The following TMEM132D variants were observed in gnomAD, a reference collection of about 807,000 sequenced individuals.
The protein encoded by TMEM132D is mature OL transmembrane protein.
Under a neutral mutation model 62.3 loss-of-function variants are expected in TMEM132D, and 21 were observed. The observed-to-expected ratio is 0.34, with a 90% CI of 0.24 to 0.49. The LOEUF is 0.49. Among genes scored for constraint, TMEM132D ranks in the 20% least tolerant of loss-of-function variants. TMEM132D has a pLI of 0.99. For missense variants in TMEM132D, 1,346 were observed against 1,402.8 expected (o/e 0.96, Z 0.65); for synonymous variants, 621 against 575.6 (o/e 1.08, Z -1.13).
intron 3 of TMEM132D, among the ~76,000 whole-genome samples, chr12:129,351,470 T>A (rs1869859386): frequency 6.6e-6 from 1 of 152,122 alleles, no homozygotes; most frequent in Non-Finnish European, 1.5e-5. Context: ...CAGGTAGGCT[T>A]ACAAAACCCT....
chr12:129,644,984 T>TA (rs749612311), intron 2 of TMEM132D, among the ~76,000 whole-genome samples: 17,596 of 63,264 alleles, frequency 0.28, 2,767 homozygotes, highest in East Asian at 0.61. Flanking sequence ...ATAGTCCATC[T>TA]AAAAAAAAAA....
At chr12:129,658,444 T>A (rs1880151629) in intron 2 of TMEM132D, among the ~76,000 whole-genome samples, 1 of 152,208 alleles carries the variant, frequency 6.6e-6, no homozygotes, top group South Asian at 2.1e-4. Flanking sequence ...CATCTTTGTG[T>A]GCTATAAATG....
intron 3 of TMEM132D, among the ~76,000 whole-genome samples, chr12:129,488,037 T>A (rs748218151): frequency 4.1e-5 from 6 of 147,342 alleles, no homozygotes; most frequent in Non-Finnish European, 7.5e-5. Flanking sequence ...GGCTTTTCCA[T>A]CCCGTATGCC....
At chr12:129,088,580 C>T (rs1874758464) in intron 5 of TMEM132D, among the ~76,000 whole-genome samples, 1 of 38,350 alleles carries the variant, frequency 2.6e-5, no homozygotes, top group Non-Finnish European at 4.4e-5. Flanking sequence ...CGGGTGTCCT[C>T]CATGACCGGG....
rs544840524 is a variant in TMEM132D, at chr12:129,779,769, G to A, written c.80-79071C>T. 6.6e-6 allele frequency among the ~76,000 whole-genome samples: 1 copy of A among 152,174 alleles called. No individual in the cohort carries two copies. The highest frequency in any genetic ancestry group is 2.1e-4 in the South Asian group (1 of 4,814). The stretch of plus-strand genomic sequence containing the variant: ...TTATTCTGGGAACAGGATTTAAGGG[G>A]TCGCCTCCCCACTCAAACTCATGAC... On this transcript the variant is annotated intron_variant, in intron 1 of 8. Coordinates refer to ENST00000422113, the MANE Select transcript of TMEM132D (RefSeq NM_133448.3). The surrounding 1 kb of genome is among the most constrained non-coding windows in gnomAD (Gnocchi z 4.1).
At chr12:129,561,207 T>C (rs155705) in intron 2 of TMEM132D, among the ~76,000 whole-genome samples, 132,129 of 152,184 alleles carry the variant, frequency 0.87, 57,486 homozygotes, top group East Asian at 0.99. Context: ...TATGACCTTA[T>C]CATCCTGAGT....
At chr12:129,810,311 G>A (rs1872131237) in intron 1 of TMEM132D, among the ~76,000 whole-genome samples, 1 of 151,632 alleles carries the variant, frequency 6.6e-6, no homozygotes, top group South Asian at 2.1e-4. Flanking sequence ...TTTTTAAAAT[G>A]CAAGATACTC....
intron 3 of TMEM132D, among the ~76,000 whole-genome samples, chr12:129,370,109 A>C (rs1006150776): frequency 1.3e-5 from 2 of 152,210 alleles, no homozygotes; most frequent in Admixed American, 1.3e-4. Flanking sequence ...GAAAGTCACA[A>C]ATCTAGTTCT....
At chr12:129,783,634 G>A (rs1195730728) in intron 1 of TMEM132D, among the ~76,000 whole-genome samples, 2 of 152,154 alleles carry the variant, frequency 1.3e-5, no homozygotes, top group African/African-American at 2.4e-5. Flanking sequence ...AGATCTGATA[G>A]GTGTTTCCAT....
intron 3 of TMEM132D, among the ~76,000 whole-genome samples, chr12:129,490,161 G>A (rs1044212795): frequency 3.3e-5 from 5 of 152,116 alleles, no homozygotes; most frequent in African/African-American, 4.8e-5. Context: ...TCGTATTACT[G>A]GATTTTTAAG....
chr12:129,718,983 T>A (rs1868701987), intron 1 of TMEM132D, among the ~76,000 whole-genome samples: 1 of 150,368 alleles, frequency 6.7e-6, no homozygotes, highest in African/African-American at 2.5e-5. Flanking sequence ...ATGCCTGTAA[T>A]CCCAGCACAT....
rs1315112364 is a variant in TMEM132D at position 129,312,557 on chromosome 12, T to TTTTG, written c.1299+25073_1299+25076dup. Among the ~76,000 whole-genome samples the TTTTG allele has an allele frequency of 5.9e-5, 9 of 152,340 alleles. No homozygotes were observed. In the South Asian group the frequency reaches 1.9e-3, roughly 32 times the overall value. On this transcript the variant is annotated intron_variant, in intron 4 of 8. Coordinates refer to ENST00000422113, the MANE Select transcript of TMEM132D (RefSeq NM_133448.3). ...ATTAAGAATTTTTTAGAATAGTTTTTTTTGTTTGTTTGTTTTGTTTTTTGT... is the reference window on the plus strand; with the variant it reads ...ATTAAGAATTTTTTAGAATAGTTTTTTTTGTTTGTTTGTTTGTTTTGTTTTTTGT...
chr12:129,589,897 AG>A (rs1314612222), intron 2 of TMEM132D, among the ~76,000 whole-genome samples: 1 of 152,132 alleles, frequency 6.6e-6, no homozygotes, highest in Non-Finnish European at 1.5e-5. Flanking sequence ...GGACTTTTAT[AG>A]TACATTTCTC....
intron 2 of TMEM132D, among the ~76,000 whole-genome samples, chr12:129,536,746 A>T (rs146393654): frequency 6.6e-6 from 1 of 152,218 alleles, no homozygotes; most frequent in African/African-American, 2.4e-5. Context: ...CTTTGTGACT[A>T]TTCCACTATA....
chr12:129,356,147 A>AT lies in TMEM132D; in HGVS notation c.1116-18331dup, dbSNP rs35842499. Among the ~76,000 whole-genome samples the AT allele has an allele frequency of 4.0e-3, 147 of 36,536 alleles. 41 individuals are homozygous for AT. Among genetic ancestry groups the AT allele is most frequent in the Middle Eastern group, 0.023 (1 of 44 alleles). The allele number at this position is 36,536 out of a possible 152,430, so 24.0% of individuals were successfully genotyped here. On this transcript the variant is annotated intron_variant, in intron 3 of 8. Coordinates refer to ENST00000422113, the MANE Select transcript of TMEM132D (RefSeq NM_133448.3). ...GTCTGCTTCTAGAGAAACTGAAGGGATTTTTTTTTTTTTTTTTTTTTTTTT... is the reference window on the plus strand; with the variant it reads ...GTCTGCTTCTAGAGAAACTGAAGGGATTTTTTTTTTTTTTTTTTTTTTTTTT...
chr12:129,082,349 A>AAGTT (rs2135617429), intron 6 of TMEM132D, among the ~76,000 whole-genome samples: 1 of 152,252 alleles, frequency 6.6e-6, no homozygotes, highest in East Asian at 1.9e-4. Flanking sequence ...TCCAATGAAA[A>AAGTT]AGTTATGGCA....
chr12:129,793,449 G>C (rs553886570), intron 1 of TMEM132D, among the ~76,000 whole-genome samples: 1 of 152,206 alleles, frequency 6.6e-6, no homozygotes, highest in African/African-American at 2.4e-5. Flanking sequence ...ATGGCTCCTT[G>C]CAGCCTCAAC....
chr12:129,075,304 C>T (rs570255222), intron 8 of TMEM132D, among the ~76,000 whole-genome samples: 3 of 148,552 alleles, frequency 2.0e-5, no homozygotes, highest in Non-Finnish European at 3.0e-5. Context: ...TTAAACAATC[C>T]GTAAGAAGAT....
At chr12:129,504,918 T>C (rs1875283234) in intron 3 of TMEM132D, among the ~76,000 whole-genome samples, 1 of 152,206 alleles carries the variant, frequency 6.6e-6, no homozygotes, top group Non-Finnish European at 1.5e-5. Flanking sequence ...GTGTCACTAC[T>C]GTCGTTCAGT....
Sources: allele counts gnomAD v4.1 joint callset (sites outside exome capture counted in the v4.1 genomes callset), GRCh38; gene constraint gnomAD v4.1.1; non-coding constraint Gnocchi (gnomAD v3.1); transcripts MANE v1.5; gene names NCBI Gene and HGNC (gene_info 2026-07-23, HGNC 2026-07-21).